The following SLIT1 variants were observed in gnomAD, a reference collection of about 807,000 sequenced individuals.
SLIT1 encodes the protein slit homolog 1 protein.
In SLIT1, 66 loss-of-function variants were observed where a neutral mutation model predicts 186.1. That is an observed-to-expected ratio of 0.35 (90% confidence interval 0.29 to 0.44). The LOEUF is 0.44. Ranked by LOEUF, SLIT1 falls within the 20% of genes least tolerant of loss-of-function variation. The pLI, the probability that SLIT1 is intolerant of heterozygous loss-of-function variation, is 1.00. For synonymous variants in SLIT1, 761 were observed against 833.8 expected, an observed-to-expected ratio of 0.91 and a Z score of 1.50; for missense variants, 1,638 against 2,037.4, an observed-to-expected ratio of 0.80 and a Z score of 3.77.
chr10:97,184,459 C>T lies in SLIT1; in HGVS notation c.197+1019G>A, dbSNP rs912060302. Reference sequence around the variant, plus strand: ...ACACACACACAGCCCATTACGGGGACTCTCATGGCCTCACGCTATTAAGGT... The same window carrying T: ...ACACACACACAGCCCATTACGGGGATTCTCATGGCCTCACGCTATTAAGGT... On this transcript the variant is annotated intron_variant, in intron 1 of 36. Transcript: ENST00000266058. This position sits in a 1 kb window ranked among gnomAD's most constrained non-coding sequence, Gnocchi z 4.4. Among the ~76,000 whole-genome samples the T allele has an allele frequency of 6.6e-6, 1 of 152,138 alleles. No individual in the cohort carries two copies. The highest frequency in any genetic ancestry group is 1.5e-5 in the Non-Finnish European group (1 of 68,024).
intron 4 of SLIT1, among the ~76,000 whole-genome samples, chr10:97,146,510 A>G (rs1021450999): frequency 6.6e-6 from 1 of 151,940 alleles, no homozygotes; most frequent in African/African-American, 2.4e-5. Flanking sequence ...CCCAGGAAAC[A>G]GGGGCCTTCT....
chr10:97,105,152 T>C (rs1234426397), intron 4 of SLIT1, among the ~76,000 whole-genome samples: 2 of 152,122 alleles, frequency 1.3e-5, no homozygotes, highest in Non-Finnish European at 2.9e-5. Flanking sequence ...AGGATAATTA[T>C]AAATAGAAAG....
chr10:97,006,413 G>T lies in SLIT1; in HGVS notation c.3579+70C>A, dbSNP rs1848359745. On this transcript the variant is annotated intron_variant, in intron 32 of 36. Transcript: ENST00000266058. The surrounding 1 kb of genome is among the most constrained non-coding windows in gnomAD (Gnocchi z 4.0). ...CAGGCACCATGCAGGGATGTATCCT[G>T]ATGCTCTGGCCTAAGCCAGGGTCGC... 28 of 1,075,728 alleles carry T rather than the reference G, an allele frequency of 2.6e-5. No individual in the cohort carries two copies. In the South Asian group the frequency reaches 3.8e-4, roughly 15 times the overall value. 66.6% of individuals were successfully genotyped at this position (1,075,728 alleles called of 1,614,324 possible).
intron 1 of SLIT1, among the ~76,000 whole-genome samples, chr10:97,165,754 C>G (rs1373453352): frequency 6.6e-6 from 1 of 152,108 alleles, no homozygotes; most frequent in Non-Finnish European, 1.5e-5. Flanking sequence ...GGAGGGCAGT[C>G]CAGGAAGCGA....
chr10:97,160,363 C>T (rs1035420039), intron 3 of SLIT1, among the ~76,000 whole-genome samples: 1 of 152,156 alleles, frequency 6.6e-6, no homozygotes, highest in Non-Finnish European at 1.5e-5. Flanking sequence ...AAGTGGAATG[C>T]TTTAGAAAGA....
At chr10:97,169,811 G>A (rs896745884) in intron 1 of SLIT1, among the ~76,000 whole-genome samples, 1 of 152,248 alleles carries the variant, frequency 6.6e-6, no homozygotes, top group African/African-American at 2.4e-5. Context: ...CCTATAAGGG[G>A]AGTCATATGA....
chr10:97,111,427 G>T (rs1849463204), intron 4 of SLIT1, among the ~76,000 whole-genome samples: 1 of 152,034 alleles, frequency 6.6e-6, no homozygotes. Flanking sequence ...ATGCAAGATG[G>T]GTGTCATTAT....
intron 22 of SLIT1, 104 bp downstream of exon 22, chr10:97,037,594 A>G (rs2805586): frequency 0.99 from 841,422 of 845,952 alleles, 418,509 homozygotes; most frequent in Non-Finnish European, 1. Flanking sequence ...GAAAAGAAGC[A>G]GGATCTGCCC....
intron 4 of SLIT1, among the ~76,000 whole-genome samples, chr10:97,081,061 C>T (rs1036958610): frequency 4.6e-5 from 7 of 152,314 alleles, no homozygotes; most frequent in East Asian, 3.9e-4. Context: ...ACCCTTCACA[C>T]GCATCACTTT....
At chr10:97,118,628 A>C (rs1849530286) in intron 4 of SLIT1, among the ~76,000 whole-genome samples, 1 of 152,152 alleles carries the variant, frequency 6.6e-6, no homozygotes, top group Admixed American at 6.5e-5. Context: ...CACATTATTA[A>C]GGGGGAAGGA....
At chr10:97,140,098 T>C (rs910248312) in intron 4 of SLIT1, among the ~76,000 whole-genome samples, 5 of 152,120 alleles carry the variant, frequency 3.3e-5, no homozygotes, top group Non-Finnish European at 5.9e-5. Flanking sequence ...ACCCTGACCA[T>C]GTTCCTGGGA....
rs1355342005 is a variant in SLIT1 at position 96,999,475 on chromosome 10, C to T, written c.*1637G>A. 6.6e-6 allele frequency: 1 copy of T among 152,464 alleles called. No individual in the cohort carries two copies. The highest frequency in any genetic ancestry group is 2.4e-5 in the African/African-American group (1 of 41,462). The allele number at this position is 152,464 out of a possible 1,614,324, so 9.4% of individuals were successfully genotyped here. On this transcript the variant is annotated 3_prime_UTR_variant, in exon 37 of 37. Transcript: ENST00000266058. ...AATGCCACTCTGAGCCTCACCTGAA[C>T]ATACACCCAGCCATGCCTCCTGGTC...
At chr10:97,017,041 G>T (rs1043621964) in intron 28 of SLIT1, among the ~76,000 whole-genome samples, 1 of 152,180 alleles carries the variant, frequency 6.6e-6, no homozygotes, top group Non-Finnish European at 1.5e-5. Flanking sequence ...GGGTTGAGGG[G>T]TAACTCGTGG....
Position 97,056,437 on chromosome 10 carries a change from G to A in SLIT1, c.1185C>T (p.Cys395=). 6.2e-7 allele frequency: 1 copy of A among 1,614,200 alleles called. No individual in the cohort carries two copies. The highest frequency in any genetic ancestry group is 8.5e-7 in the Non-Finnish European group (1 of 1,180,020). Residue 395 remains cysteine (C), a synonymous_variant, in exon 13 of 37, where the codon TGC becomes TGT. Coordinates refer to ENST00000266058, the MANE Select transcript of SLIT1 (RefSeq NM_003061.3). ...LLLLNANKIN[C]IRPDAFQDLQ... The stretch of plus-strand genomic sequence containing the variant: ...GGTCCTGGAAGGCATCGGGCCGGAT[G>A]CAGTTGATCTTGTTGGCATTCAGGA...
intron 1 of SLIT1, among the ~76,000 whole-genome samples, chr10:97,167,583 T>C (rs1246680966): frequency 1.3e-5 from 2 of 152,232 alleles, no homozygotes; most frequent in African/African-American, 4.8e-5. Flanking sequence ...TCTGTTTCTC[T>C]TGACAACAAA....
In SLIT1 at chr10:97,037,579, G is replaced by A; in HGVS notation, c.2366+119C>T. 4.0e-6 allele frequency: 3 copies of A among 757,592 alleles called. No homozygotes were observed. In the South Asian group the frequency reaches 5.3e-5, roughly 14 times the overall value. 46.9% of individuals were successfully genotyped at this position (757,592 alleles called of 1,614,324 possible). ...ACAGCTGTTCCCAGAGGGGAGCAGGGAAAGGAAAAGAAGCAGGATCTGCCC... is the reference window on the plus strand; with the variant it reads ...ACAGCTGTTCCCAGAGGGGAGCAGGAAAAGGAAAAGAAGCAGGATCTGCCC... On this transcript the variant is annotated intron_variant, in intron 22 of 36. Transcript: ENST00000266058.
In SLIT1 at chr10:97,002,327, G is replaced by A; in HGVS notation, c.4197C>T (p.Tyr1399=). Residue 1399 remains tyrosine, a synonymous_variant, in exon 36 of 37, where the codon TAC becomes TAT. Coordinates refer to ENST00000266058, the MANE Select transcript of SLIT1 (RefSeq NM_003061.3). ...AGTACCCATCCTGGCACTGGCAGCT[G>A]TAGGAAAGAGCGTCGAGGGGCACGC... ...GQCVPLDALS[Y]SCQCQDGYSG... The A allele has an allele frequency of 2.5e-6, 4 of 1,611,328 alleles. No individual in the cohort carries two copies. Among genetic ancestry groups the A allele is most frequent in the Middle Eastern group, 1.7e-4 (1 of 6,038 alleles).
chr10:97,052,603 G>A (rs1354797234), intron 13 of SLIT1, among the ~76,000 whole-genome samples: 1 of 152,156 alleles, frequency 6.6e-6, no homozygotes, highest in East Asian at 1.9e-4. Context: ...CTTAGAACAG[G>A]TGAACTTTAT....
intron 1 of SLIT1, among the ~76,000 whole-genome samples, chr10:97,179,781 G>C (rs1554855890): frequency 6.7e-6 from 1 of 149,554 alleles, no homozygotes; most frequent in Admixed American, 6.8e-5. Context: ...TCAAAAAGAG[G>C]AGCCAATTCT....
Sources: gnomAD v4.1 joint callset for allele counts (sites outside exome capture counted in the v4.1 genomes callset) on GRCh38, gnomAD v4.1.1 for gene constraint, Gnocchi (gnomAD v3.1) non-coding constraint, MANE v1.5 for transcripts, NCBI Gene and HGNC (gene_info 2026-07-23, HGNC 2026-07-21) for gene names.